The following SLC36A1 variants were observed in gnomAD, a reference collection of about 807,000 sequenced individuals.
SLC36A1 encodes solute carrier family 36 member 1.
A neutral mutation model predicts 47.5 loss-of-function variants in SLC36A1; 30 were observed. That is an observed-to-expected ratio of 0.63 (90% confidence interval 0.47 to 0.86). The LOEUF is 0.86. Among genes scored for constraint, SLC36A1 ranks in the 40% least tolerant of loss-of-function variants. The pLI is 0.00. For synonymous variants in SLC36A1, 255 were observed against 249.7 expected (o/e 1.02, Z -0.20); for missense variants, 517 against 606.0 (o/e 0.85, Z 1.54).
chr5:151,506,232 T>C, the SLC36A1 span: 1 of 899,386 alleles, frequency 1.1e-6, no homozygotes, highest in Non-Finnish European at 1.6e-6. Context: ...GTGCAGGTTG[T>C]CTCTGTTGGC....
chr5:151,517,274 C>T, the SLC36A1 span, among the ~76,000 whole-genome samples: 3 of 152,142 alleles, frequency 2.0e-5, no homozygotes, highest in Non-Finnish European at 4.4e-5. Flanking sequence ...TTGAGCACCC[C>T]CAGTGGTAAG....
the SLC36A1 span, chr5:151,545,098 T>A: frequency 1.2e-6 from 2 of 1,614,014 alleles, no homozygotes; most frequent in Admixed American, 3.3e-5. Context: ...ATGAAACATA[T>A]CTGTGCCATT....
the SLC36A1 span, chr5:151,522,191 C>A: frequency 2.3e-6 from 2 of 868,296 alleles, no homozygotes; most frequent in South Asian, 2.0e-5. Flanking sequence ...GCCCCACGCC[C>A]AACTTGAGGG....
chr5:151,484,084 C>G (rs1314855661), intron 10 of SLC36A1, among the ~76,000 whole-genome samples: 2 of 152,118 alleles, frequency 1.3e-5, no homozygotes, highest in Non-Finnish European at 2.9e-5. Context: ...AAATTCTGAT[C>G]CCAATCTTCT....
chr5:151,345,396 C>G, the SLC36A1 span, among the ~76,000 whole-genome samples: 1 of 152,144 alleles, frequency 6.6e-6, no homozygotes, highest in Admixed American at 6.5e-5. Context: ...TTTGTTGACC[C>G]TCTGTAAATG....
chr5:151,377,728 G>A, the SLC36A1 span, among the ~76,000 whole-genome samples: 28 of 152,076 alleles, frequency 1.8e-4, no homozygotes, highest in South Asian at 4.1e-4. Context: ...TATTTAAATT[G>A]CGATATACTC....
rs1055629876 is a variant in SLC36A1 at position 151,448,972 on chromosome 5, A to C, written c.-6+1159A>C. On this transcript the variant is annotated intron_variant, in intron 1 of 10. Transcript: ENST00000243389. The stretch of plus-strand genomic sequence containing the variant: ...TCACTATGCTGCCCAGGCTGATCTC[A>C]AACTCCTGGGCTCAAGTGATCCTCC... Among the ~76,000 whole-genome samples the C allele has an allele frequency of 5.9e-5, 9 of 152,280 alleles. No homozygotes were observed. In the East Asian group the frequency reaches 1.7e-3, roughly 29 times the overall value.
chr5:151,367,086 A>G, the SLC36A1 span, among the ~76,000 whole-genome samples: 1 of 151,220 alleles, frequency 6.6e-6, no homozygotes, highest in Admixed American at 6.6e-5. Flanking sequence ...ATAAGGGTCC[A>G]ACAAAGATCA....
At chr5:151,529,496 A>C in the SLC36A1 span, 2 of 883,002 alleles carry the variant, frequency 2.3e-6, no homozygotes, top group Admixed American at 4.0e-5. Context: ...CAACAGGGCT[A>C]GGCAAGGTAA....
the SLC36A1 span, chr5:151,511,730 AT>A: frequency 5.6e-6 from 1 of 177,120 alleles, no homozygotes; most frequent in East Asian, 1.4e-4. Flanking sequence ...ACTTATATAA[AT>A]TGGAAATTCA....
the SLC36A1 span, among the ~76,000 whole-genome samples, chr5:151,516,760 G>C: frequency 6.6e-6 from 1 of 152,150 alleles, no homozygotes; most frequent in African/African-American, 2.4e-5. Context: ...CAATAAATCT[G>C]TTTTGAATGA....
At chr5:151,517,753 C>T in the SLC36A1 span, 21 of 1,614,054 alleles carry the variant, frequency 1.3e-5, no homozygotes, top group Middle Eastern at 1.6e-4. Context: ...ACCACTGAAC[C>T]TTGTAGCAGT....
chr5:151,448,913 T>TTTTG (rs945607157), intron 1 of SLC36A1, among the ~76,000 whole-genome samples: 1 of 152,158 alleles, frequency 6.6e-6, no homozygotes, highest in Non-Finnish European at 1.5e-5. Flanking sequence ...AGGCTTGTTT[T>TTTTG]TTTGTTTGTT....
chr5:151,494,471 A>G (rs1760284224), downstream of SLC36A1, among the ~76,000 whole-genome samples: 1 of 151,940 alleles, frequency 6.6e-6, no homozygotes, highest in Non-Finnish European at 1.5e-5. Context: ...TCCTCACACC[A>G]CTCAGCCCTT....
At chr5:151,521,892 G>A in the SLC36A1 span, 1 of 1,613,980 alleles carries the variant, frequency 6.2e-7, no homozygotes. Context: ...CTTCTGCCAG[G>A]CTATAGGTCA....
At chr5:151,537,235 A>G in the SLC36A1 span, among the ~76,000 whole-genome samples, 22 of 114,932 alleles carry the variant, frequency 1.9e-4, no homozygotes, top group Admixed American at 6.4e-4. Context: ...AGGAGGAGGA[A>G]GAAGAAGAAA....
chr5:151,451,681 A>C (rs540220821), intron 1 of SLC36A1, among the ~76,000 whole-genome samples: 9 of 152,230 alleles, frequency 5.9e-5, no homozygotes, highest in African/African-American at 2.2e-4. Context: ...CAATATTGTG[A>C]TGTAGATGTT....
At chr5:151,496,100 G>A (rs190723002), downstream of SLC36A1, among the ~76,000 whole-genome samples, 34 of 152,280 alleles carry the variant, frequency 2.2e-4, no homozygotes, top group African/African-American at 5.8e-4. Context: ...ACATGTTGTG[G>A]GAGGGACCCG....
chr5:151,467,945 C>G lies in SLC36A1; in HGVS notation c.723+20C>G. On this transcript the variant is annotated intron_variant, in intron 7 of 10. Coordinates refer to ENST00000243389, the MANE Select transcript of SLC36A1 (RefSeq NM_078483.4). ...GTTCAGGTACATGCCTAGGCCCTCT[C>G]CTATCATCTTGGTTCAATATTTTAA... 1 of 1,603,402 alleles carries G rather than the reference C, an allele frequency of 6.2e-7. No homozygotes were observed. Among genetic ancestry groups the G allele is most frequent in the Non-Finnish European group, 8.5e-7 (1 of 1,171,034 alleles).
Sources: gnomAD v4.1 joint callset for allele counts (sites outside exome capture counted in the v4.1 genomes callset) on GRCh38, gnomAD v4.1.1 for gene constraint, MANE v1.5 for transcripts, NCBI Gene and HGNC (gene_info 2026-07-23, HGNC 2026-07-21) for gene names.